The following GAB3 variants were observed in gnomAD, a reference collection of about 807,000 sequenced individuals.
GAB3 encodes the protein GRB2-associated-binding protein 3.
In GAB3, 12 loss-of-function variants were observed where a neutral mutation model predicts 40.4. That is an observed-to-expected ratio of 0.30 (90% CI 0.19 to 0.48). The LOEUF (loss-of-function observed/expected upper bound fraction) is 0.48. Ranked by LOEUF, GAB3 falls within the 20% of genes least tolerant of loss-of-function variation. The pLI, the probability that GAB3 is intolerant of heterozygous loss-of-function variation, is 0.99. For synonymous variants in GAB3, 154 were observed against 176.7 expected, an observed-to-expected ratio of 0.87 and a Z score of 1.02; for missense variants, 381 against 461.9, an observed-to-expected ratio of 0.82 and a Z score of 1.61.
chrX:154,709,335 T>C (rs1453259714), intron 4 of GAB3, among the ~76,000 whole-genome samples: 3 of 108,502 alleles, frequency 2.8e-5, no homozygotes, highest in African/African-American at 1.0e-4. Flanking sequence ...TTTTTTTTTT[T>C]TTTGAGACGA....
intron 1 of GAB3, among the ~76,000 whole-genome samples, chrX:154,727,276 C>T (rs2071226321): frequency 8.9e-6 from 1 of 112,301 alleles, no homozygotes; most frequent in Admixed American, 9.4e-5. Flanking sequence ...GTTCCTTCTC[C>T]ATGGAATACT....
chrX:154,747,383 G>T (rs782199520), intron 1 of GAB3, among the ~76,000 whole-genome samples: 2 of 112,230 alleles, frequency 1.8e-5, no homozygotes, highest in Non-Finnish European at 3.8e-5. Context: ...AATAGTACTG[G>T]AACAAATGAA....
At chrX:154,741,229 G>A (rs1428184583) in intron 1 of GAB3, among the ~76,000 whole-genome samples, 2 of 111,921 alleles carry the variant, frequency 1.8e-5, no homozygotes, top group Non-Finnish European at 3.8e-5. Context: ...CCGCCGCCAC[G>A]TGGAACTTTG....
At chrX:154,680,444 G>A (rs782552584) in intron 8 of GAB3, among the ~76,000 whole-genome samples, 196 bp from the exon 9 acceptor site, 4 of 112,027 alleles carry the variant, frequency 3.6e-5, no homozygotes, top group South Asian at 7.4e-4. Context: ...TTTGGCCTTC[G>A]CAATGAAACC....
At chrX:154,717,502 G>C (rs1402624472) in intron 1 of GAB3, among the ~76,000 whole-genome samples, 1 of 111,967 alleles carries the variant, frequency 8.9e-6, no homozygotes, top group African/African-American at 3.3e-5. Context: ...AAGCCTGGAA[G>C]TCAGATGAAC....
chrX:154,689,168 A>G (rs2070509716), intron 8 of GAB3, among the ~76,000 whole-genome samples: 1 of 112,030 alleles, frequency 8.9e-6, no homozygotes, highest in African/African-American at 3.2e-5. Flanking sequence ...CAAAAACCAC[A>G]TGATTATCTC....
At position 154,713,355 on chromosome X, in the gene GAB3, C is replaced by A. The variant is rs374214887; in HGVS notation, c.448G>T (p.Ala150Ser). ...GGCAAAGAGGAGCTGGCAGCATGGG[C>A]GGTAAGAAGGGAGCTGGCAGAGGAT... ...QPSSASSLLT[A>S]HAASSSLPRD... Residue 150 changes from alanine (A) to serine (S), a missense_variant, in exon 3 of 10, where the codon GCC (alanine) becomes TCC (serine). This residue lies in a region of GAB3 where 364 missense variants were observed against 421.0 expected (regional missense o/e 0.86). Coordinates refer to ENST00000424127, the MANE Select transcript of GAB3 (RefSeq NM_001081573.3). 3 of 1,207,538 alleles carry A rather than the reference C, an allele frequency of 2.5e-6. No individual in the cohort carries two copies. The African/African-American group carries it at 5.3e-5, about 21-fold the overall frequency.
chrX:154,678,102 A>C lies in GAB3; in HGVS notation c.*76T>G. 1 of 254,576 alleles carries C rather than the reference A, an allele frequency of 3.9e-6. No homozygotes were observed. Among genetic ancestry groups the C allele is most frequent in the Non-Finnish European group, 6.5e-6 (1 of 152,753 alleles). The allele number at this position is 254,576 out of a possible 1,213,427, so 21.0% of individuals were successfully genotyped here. On this transcript the variant is annotated 3_prime_UTR_variant, in exon 10 of 10. Transcript: ENST00000424127. ...ACCATCAGTGTGTTTTTAGTGGACAAAAAAAAAAAAAAAAGAAAAAACTCA... is the reference window on the plus strand; with the variant it reads ...ACCATCAGTGTGTTTTTAGTGGACACAAAAAAAAAAAAAAGAAAAAACTCA...
At chrX:154,745,376 AG>A (rs1228516573) in intron 1 of GAB3, among the ~76,000 whole-genome samples, 1 of 111,215 alleles carries the variant, frequency 9.0e-6, no homozygotes, top group Non-Finnish European at 1.9e-5. Flanking sequence ...TGCTTATATT[AG>A]AAAATAAGAA....
At chrX:154,700,983 AC>A (rs2148436581) in intron 4 of GAB3, among the ~76,000 whole-genome samples, 1 of 112,008 alleles carries the variant, frequency 8.9e-6, no homozygotes, top group Admixed American at 9.5e-5. Context: ...TATTATATAT[AC>A]ATATATGTGT....
At chrX:154,721,858 C>T (rs1171856695) in intron 1 of GAB3, among the ~76,000 whole-genome samples, 1 of 111,382 alleles carries the variant, frequency 9.0e-6, no homozygotes, top group Non-Finnish European at 1.9e-5. Flanking sequence ...TATGGAGGTT[C>T]CTAAGGAAGT....
At chrX:154,712,844 C>T (rs1174846056) in intron 3 of GAB3, 143 bp from the exon 4 acceptor site, 2 of 412,055 alleles carry the variant, frequency 4.9e-6, no homozygotes, top group African/African-American at 5.0e-5. Flanking sequence ...CTCAGTTACA[C>T]CAACCCCTTG....
chrX:154,706,726 A>C (rs1386126189), intron 4 of GAB3, among the ~76,000 whole-genome samples: 1 of 108,214 alleles, frequency 9.2e-6, no homozygotes, highest in Non-Finnish European at 1.9e-5. Context: ...CAGCCTGGGC[A>C]ACATAGCAAG....
chrX:154,713,749 A>ATATATG (rs1312836682), intron 2 of GAB3, among the ~76,000 whole-genome samples: 4 of 51,564 alleles, frequency 7.8e-5, no homozygotes, highest in African/African-American at 2.5e-4. Context: ...AAACATATAT[A>ATATATG]TATATATATA....
intron 1 of GAB3, among the ~76,000 whole-genome samples, chrX:154,742,611 A>G (rs921287690): frequency 6.3e-5 from 7 of 111,710 alleles, no homozygotes; most frequent in African/African-American, 2.0e-4. Context: ...GTCAGGAACC[A>G]TCTGTATTAG....
chrX:154,741,182 G>A (rs782228376), intron 1 of GAB3, among the ~76,000 whole-genome samples: 1 of 111,904 alleles, frequency 8.9e-6, no homozygotes, highest in Admixed American at 9.4e-5. Flanking sequence ...TGCCATGTGA[G>A]ACGTGCCTTT....
intron 2 of GAB3, 34 bp downstream of exon 2, chrX:154,715,989 ACCC>A (rs1557257528): frequency 8.7e-7 from 1 of 1,150,565 alleles, no homozygotes; most frequent in Non-Finnish European, 1.2e-6. Context: ...GTCCTGGGAT[ACCC>A]CTTAGCACAT....
intron 8 of GAB3, among the ~76,000 whole-genome samples, chrX:154,687,566 G>A (rs1460093917): frequency 3.8e-5 from 4 of 104,467 alleles, no homozygotes; most frequent in African/African-American, 7.0e-5. Context: ...CCTGGGGGGC[G>A]GAGCTTGCAG....
At chrX:154,720,626 CA>C (rs782047643) in intron 1 of GAB3, among the ~76,000 whole-genome samples, 1,712 of 30,680 alleles carry the variant, frequency 0.056, 25 homozygotes, top group African/African-American at 0.17. Flanking sequence ...GACTCCGTCT[CA>C]AAAAAAAAAA....
Sources: gnomAD v4.1 joint callset for allele counts (sites outside exome capture counted in the v4.1 genomes callset) on GRCh38, gnomAD v4.1.1 for gene constraint, gnomAD v4.1.1 regional missense constraint, MANE v1.5 for transcripts, NCBI Gene and HGNC (gene_info 2026-07-23, HGNC 2026-07-21) for gene names.